ATP1A4: variants seen among roughly 807,000 people sequenced by gnomAD.
The protein encoded by ATP1A4 is sodium/potassium-transporting ATPase subunit alpha-4.
Under a neutral mutation model 114.3 loss-of-function variants are expected in ATP1A4, and 90 were observed. That is an observed-to-expected ratio of 0.79 (90% confidence interval 0.66 to 0.94). The LOEUF (loss-of-function observed/expected upper bound fraction) is 0.94. ATP1A4 is among the 40% of genes least tolerant of loss of function. The pLI, the probability that ATP1A4 is intolerant of heterozygous loss-of-function variation, is 0.00. For missense variants in ATP1A4, 1,222 were observed against 1,313.6 expected (o/e 0.93, Z 1.08); for synonymous variants, 511 against 494.1 (o/e 1.03, Z -0.45).
rs1363997936 is a variant in ATP1A4 at position 160,167,422 on chromosome 1, C to T, written c.1491+10C>T. The T allele has an allele frequency of 1.2e-6, 2 of 1,610,260 alleles. No homozygotes were observed. Among genetic ancestry groups the T allele is most frequent in the African/African-American group, 1.3e-5 (1 of 74,600 alleles). Reference sequence around the variant, plus strand: ...TACCAACAAGTACCAGGTACAGAACCCACAAAGGTAGGAGAATGGTGGTGG... The same window carrying T: ...TACCAACAAGTACCAGGTACAGAACTCACAAAGGTAGGAGAATGGTGGTGG... On this transcript the variant is annotated intron_variant, in intron 10 of 21. Coordinates refer to ENST00000368081, the MANE Select transcript of ATP1A4 (RefSeq NM_144699.4).
In ATP1A4 at chr1:160,159,495, C is replaced by CA; in HGVS notation, c.748dup (p.Ile250AsnfsTer46). ...ATGAGAACCCTCTGGAGACCCGAAACATCTGCTTCTTTTCCACCAACTGTG... is the reference window on the plus strand; with the variant it reads ...ATGAGAACCCTCTGGAGACCCGAAACAATCTGCTTCTTTTCCACCAACTGTG... On this transcript the variant is annotated frameshift_variant, in exon 6 of 22. Coordinates refer to ENST00000368081, the MANE Select transcript of ATP1A4 (RefSeq NM_144699.4). LOFTEE classifies it high-confidence loss of function. The CA allele has an allele frequency of 6.2e-7, 1 of 1,613,866 alleles. No homozygotes were observed. The highest frequency in any genetic ancestry group is 8.5e-7 in the Non-Finnish European group (1 of 1,179,860).
chr1:160,184,106 C>A (rs1236322036), intron 20 of ATP1A4, among the ~76,000 whole-genome samples: 1 of 152,092 alleles, frequency 6.6e-6, no homozygotes, highest in East Asian at 1.9e-4. Context: ...GCACGCGTCA[C>A]CACACCCAGC....
intron 18 of ATP1A4, among the ~76,000 whole-genome samples, chr1:160,178,568 A>G (rs1186712841): frequency 6.6e-6 from 1 of 151,372 alleles, no homozygotes; most frequent in Non-Finnish European, 1.5e-5. Context: ...CCAGCTACTC[A>G]GGAGGCTGAG....
At position 160,186,917 on chromosome 1, in the gene ATP1A4, G is replaced by A. The variant is rs1032266183; in HGVS notation, c.*218G>A. ...CATCTAGCTGGAGCCCCGCAGGGAGGGGCATGGTCCTGCTGAATCCCGTAG... is the reference window on the plus strand; with the variant it reads ...CATCTAGCTGGAGCCCCGCAGGGAGAGGCATGGTCCTGCTGAATCCCGTAG... On this transcript the variant is annotated 3_prime_UTR_variant, in exon 22 of 22. Coordinates refer to ENST00000368081, the MANE Select transcript of ATP1A4 (RefSeq NM_144699.4). 1.6e-6 allele frequency: 1 copy of A among 616,006 alleles called. No homozygotes were observed. The highest frequency in any genetic ancestry group is 2.9e-6 in the Non-Finnish European group (1 of 343,468). 38.2% of individuals were successfully genotyped at this position (616,006 alleles called of 1,614,324 possible).
Position 160,170,953 on chromosome 1 carries a change from C to G in ATP1A4, c.1492-298C>G, listed in dbSNP as rs145227458. On this transcript the variant is annotated intron_variant, in intron 10 of 21. Transcript: ENST00000368081. ...GCCAGCCCCACTATTTCTGCTCTCT[C>G]GCCATCCAGTTGGCAAGGATGCAGG... 1,034 of 279,592 alleles carry G rather than the reference C, an allele frequency of 3.7e-3. 4 individuals carry two copies. Among genetic ancestry groups the G allele is most frequent in the South Asian group, 0.014 (110 of 8,038 alleles). The allele number at this position is 279,592 out of a possible 1,614,324, so 17.3% of individuals were successfully genotyped here.
At chr1:160,184,498 G>T (rs745693665) in intron 20 of ATP1A4, among the ~76,000 whole-genome samples, 4 of 152,082 alleles carry the variant, frequency 2.6e-5, no homozygotes, top group Non-Finnish European at 5.9e-5. Context: ...AGTGAGTTAT[G>T]ATTGTACCAC....
intron 20 of ATP1A4, among the ~76,000 whole-genome samples, chr1:160,185,319 G>T (rs1325874339): frequency 6.6e-6 from 1 of 151,890 alleles, no homozygotes. Flanking sequence ...CACCATGTTG[G>T]TCAGGCTGGT....
rs1652597269 is a variant in ATP1A4, at chr1:160,155,120, C to G, written c.283C>G (p.Pro95Ala). 1 of 1,613,522 alleles carries G rather than the reference C, an allele frequency of 6.2e-7. No homozygotes were observed. Among genetic ancestry groups the G allele is most frequent in the Non-Finnish European group, 8.5e-7 (1 of 1,179,610 alleles). ...PNTVTPPPTTPEWVKFCKQLF... is the reference protein window; with the variant it reads ...PNTVTPPPTTAEWVKFCKQLF... ...TACTGTTACCCCACCCCCCACCACT[C>G]CAGAATGGGTCAAATTCTGTAAGCA... The change falls in exon 3 of 22, where the codon CCA (proline) becomes GCA (alanine). Residue 95 changes from proline (P) to alanine (A), a missense_variant. By Grantham distance (27) the Pro-to-Ala change is conservative (BLOSUM62 -1). Coordinates refer to ENST00000368081, the MANE Select transcript of ATP1A4 (RefSeq NM_144699.4).
At position 160,168,710 on chromosome 1, in the gene ATP1A4, T is replaced by C. The variant is rs1327829187; in HGVS notation, c.1491+1298T>C. Among the ~76,000 whole-genome samples, 2 of 152,180 alleles carry C rather than the reference T, an allele frequency of 1.3e-5. 1 individual carries two copies. Among genetic ancestry groups the C allele is most frequent in the Non-Finnish European group, 2.9e-5 (2 of 68,030 alleles). On this transcript the variant is annotated intron_variant, in intron 10 of 21. Coordinates refer to ENST00000368081, the MANE Select transcript of ATP1A4 (RefSeq NM_144699.4). ...CTATATAAATTTTTTTTAACTGAAT[T>C]ACTCATCGTTTTACACTGAAAACTG...
chr1:160,162,014 C>T (rs1652880000), intron 6 of ATP1A4, among the ~76,000 whole-genome samples: 1 of 152,174 alleles, frequency 6.6e-6, no homozygotes. Context: ...TTTTCAAGTG[C>T]CTATGATGTA....
At chr1:160,174,491 A>G in intron 14 of ATP1A4, 88 bp from the exon 15 acceptor site, 1 of 1,539,004 alleles carries the variant, frequency 6.5e-7, no homozygotes, top group Non-Finnish European at 8.8e-7. Flanking sequence ...ATCAGGAAAC[A>G]AGGGATGCAG....
intron 3 of ATP1A4, among the ~76,000 whole-genome samples, chr1:160,155,629 T>A (rs1652624067): frequency 1.3e-5 from 2 of 152,146 alleles, no homozygotes; most frequent in South Asian, 4.1e-4. Context: ...CTGGTCCAGT[T>A]CCCTGAGGTG....
intron 12 of ATP1A4, 110 bp from the exon 13 acceptor site, chr1:160,173,471 T>A (rs543573411): frequency 1.5e-4 from 216 of 1,470,302 alleles, no homozygotes; most frequent in Non-Finnish European, 3.3e-5. Context: ...AATGAGCGAC[T>A]AAAACCCTTG....
At chr1:160,168,339 A>G (rs76968335) in intron 10 of ATP1A4, among the ~76,000 whole-genome samples, 8,719 of 151,004 alleles carry the variant, frequency 0.058, 292 homozygotes, top group Non-Finnish European at 0.08. Flanking sequence ...AAAATGTCTC[A>G]GAGAAAATGA....
At chr1:160,155,796 C>T (rs1253934154) in intron 3 of ATP1A4, among the ~76,000 whole-genome samples, 1 of 152,122 alleles carries the variant, frequency 6.6e-6, no homozygotes, top group African/African-American at 2.4e-5. Context: ...ATTAGCCTTC[C>T]TGGAGAGAAA....
chr1:160,175,020 C>T (rs1653411568), intron 15 of ATP1A4, among the ~76,000 whole-genome samples: 1 of 152,136 alleles, frequency 6.6e-6, no homozygotes, highest in Non-Finnish European at 1.5e-5. Flanking sequence ...TACATAATAT[C>T]GTCATTGTCC....
Position 160,186,651 on chromosome 1 carries a change from T to G in ATP1A4, c.3062-20T>G, listed in dbSNP as rs1341782344. 1.5e-5 allele frequency: 24 copies of G among 1,608,734 alleles called. No individual in the cohort carries two copies. Among genetic ancestry groups the G allele is most frequent in the Non-Finnish European group, 2.0e-5 (24 of 1,177,524 alleles). On this transcript the variant is annotated intron_variant, in intron 21 of 21. Coordinates refer to ENST00000368081, the MANE Select transcript of ATP1A4 (RefSeq NM_144699.4). ...TCTAATTCCTTCTCCCAGTTCACGC[T>G]GGCCTCTTCTCTTCCACAGGCTGGG...
chr1:160,166,939 C>T (rs753929886), intron 8 of ATP1A4, 29 bp from the exon 9 acceptor site: 2 of 1,604,024 alleles, frequency 1.2e-6, no homozygotes. Flanking sequence ...TCATTCCCTG[C>T]TCACAATTCT....
intron 2 of ATP1A4, among the ~76,000 whole-genome samples, chr1:160,153,637 AT>A: frequency 6.6e-6 from 1 of 152,358 alleles, no homozygotes; most frequent in African/African-American, 2.4e-5. Flanking sequence ...GTTATCATAT[AT>A]TCATATATGT....
Sources: gnomAD v4.1 joint callset for allele counts (sites outside exome capture counted in the v4.1 genomes callset) on GRCh38, gnomAD v4.1.1 for gene constraint, MANE v1.5 for transcripts, NCBI Gene and HGNC (gene_info 2026-07-23, HGNC 2026-07-21) for gene names.